Variants in KCNJ8 observed in about 807,000 individuals in gnomAD.
KCNJ8 encodes potassium inwardly rectifying channel subfamily J member 8, also known as ATP-sensitive inward rectifier potassium channel 8.
A neutral mutation model predicts 28.2 loss-of-function variants in KCNJ8; 13 were observed. That is an observed-to-expected ratio of 0.46 (90% CI 0.30 to 0.73). The LOEUF (loss-of-function observed/expected upper bound fraction) is 0.73. KCNJ8 is among the 30% of genes least tolerant of loss of function. KCNJ8 has a pLI of 0.07. For missense variants in KCNJ8, 284 were observed against 542.6 expected, an observed-to-expected ratio of 0.52 and a Z score of 4.73; for synonymous variants, 188 against 195.9, an observed-to-expected ratio of 0.96 and a Z score of 0.34.
Position 21,773,955 on chromosome 12 carries a change from C to T in KCNJ8, c.-70-269G>A, listed in dbSNP as rs186198309. Among the ~76,000 whole-genome samples the T allele has an allele frequency of 6.6e-6, 1 of 152,302 alleles. No homozygotes were observed. Among genetic ancestry groups the T allele is most frequent in the East Asian group, 1.9e-4 (1 of 5,178 alleles). On this transcript the variant is annotated intron_variant, in intron 1 of 2. Coordinates refer to ENST00000240662, the MANE Select transcript of KCNJ8 (RefSeq NM_004982.4). This position sits in a 1 kb window ranked among gnomAD's most constrained non-coding sequence, Gnocchi z 4.6. ...TTAGTTAAACAAAACCAGGAGCCTT[C>T]CGGTAAACAGCAGGCTCAAAGATAA...
intron 2 of KCNJ8, among the ~76,000 whole-genome samples, chr12:21,767,013 G>A (rs1186097376): frequency 6.6e-6 from 1 of 152,126 alleles, no homozygotes; most frequent in Non-Finnish European, 1.5e-5. Flanking sequence ...AGTTTACTTT[G>A]TAAAACTTTC....
In KCNJ8 at chr12:21,765,888, T is replaced by C; in HGVS notation, c.1110A>G (p.Gln370=). 6.2e-7 allele frequency: 1 copy of C among 1,614,200 alleles called. No individual in the cohort carries two copies. Among genetic ancestry groups the C allele is most frequent in the Non-Finnish European group, 8.5e-7 (1 of 1,180,052 alleles). The change falls in exon 3 of 3, where the codon CAA becomes CAG. Residue 370 remains glutamine, a synonymous_variant. Coordinates refer to ENST00000240662, the MANE Select transcript of KCNJ8 (RefSeq NM_004982.4). ...EKPSILIQTL[Q]KSELSHQNSL... is the part of the protein sequence containing the mutation. ...AATTTTGATGAGACAGTTCACTCTT[T>C]TGGAGGGTCTGAATAAGGATGGAAG...
chr12:21,769,886 A>C (rs1940717861), intron 2 of KCNJ8, among the ~76,000 whole-genome samples: 1 of 152,224 alleles, frequency 6.6e-6, no homozygotes, highest in African/African-American at 2.4e-5. Context: ...ACAAGCAACC[A>C]AAGTGGTTTC....
In KCNJ8 at chr12:21,765,757, G is replaced by A; in HGVS notation, c.1241C>T (p.Thr414Ile). 1 of 1,614,126 alleles carries A rather than the reference G, an allele frequency of 6.2e-7. No individual in the cohort carries two copies. Reference sequence around the variant, plus strand: ...CGATGTGTTTTGATTTCCTTCTGGAGTCATAAATTGCACCTTTGGTACCAT... The same window carrying A: ...CGATGTGTTTTGATTTCCTTCTGGAATCATAAATTGCACCTTTGGTACCAT... Reference protein sequence around the residue: ...SLMVPKVQFMTPEGNQNTSES With the variant: ...SLMVPKVQFMIPEGNQNTSES Residue 414 changes from threonine (T) to isoleucine (I), a missense_variant, in exon 3 of 3, where the codon ACT becomes ATT. Physicochemically the swap from Thr to Ile is moderately conservative, Grantham distance 89. Coordinates refer to ENST00000240662, the MANE Select transcript of KCNJ8 (RefSeq NM_004982.4).
chr12:21,772,589 C>T (rs1391053319), intron 2 of KCNJ8, among the ~76,000 whole-genome samples: 1 of 152,164 alleles, frequency 6.6e-6, no homozygotes, highest in Non-Finnish European at 1.5e-5. Flanking sequence ...CTATATAACC[C>T]CTTCCATAAA....
chr12:21,766,209 G>A lies in KCNJ8; in HGVS notation c.789C>T (p.Ala263=), dbSNP rs1032999622. The A allele has an allele frequency of 2.5e-6, 4 of 1,613,978 alleles. No individual in the cohort carries two copies. The highest frequency in any genetic ancestry group is 3.4e-6 in the Non-Finnish European group (4 of 1,179,982). Residue 263 remains alanine, a synonymous_variant, in exon 3 of 3, where the codon GCC becomes GCT. Transcript: ENST00000240662. The surrounding 1 kb of genome is among the most constrained non-coding windows in gnomAD (Gnocchi z 6.5). ...PIESNNIFLV[A]PLIICHVIDK... ...CAATCACGTGGCAGATGATCAAAGG[G>A]GCCACCAGAAAAATGTTATTGCTCT...
At position 21,766,311 on chromosome 12, in the gene KCNJ8, C is replaced by T. The variant is rs1278505052; in HGVS notation, c.687G>A (p.Val229=). 1.1e-5 allele frequency: 17 copies of T among 1,614,050 alleles called. No individual in the cohort carries two copies. The Admixed American group carries it at 2.7e-4, about 25-fold the overall frequency. Residue 229 remains valine (V), a synonymous_variant, in exon 3 of 3, where the codon GTG becomes GTA. Coordinates refer to ENST00000240662, the MANE Select transcript of KCNJ8 (RefSeq NM_004982.4). The surrounding 1 kb of genome is among the most constrained non-coding windows in gnomAD (Gnocchi z 6.5). ...MIISASVRIQ[V]VKKTTTPEGE... Reference sequence around the variant, plus strand: ...CTTCAGGTGTAGTTGTTTTCTTGACCACCTGGATGCGCACAGAGGCACTAA... The same window carrying T: ...CTTCAGGTGTAGTTGTTTTCTTGACTACCTGGATGCGCACAGAGGCACTAA...
Position 21,766,828 on chromosome 12 carries a change from C to G in KCNJ8, c.375-205G>C, listed in dbSNP as rs886538546. ...CTTGCATGCATCTACCTCCAGACTTCTGGAGATTAACATTCTATTAATTAA... is the reference window on the plus strand; with the variant it reads ...CTTGCATGCATCTACCTCCAGACTTGTGGAGATTAACATTCTATTAATTAA... On this transcript the variant is annotated intron_variant, in intron 2 of 2. Coordinates refer to ENST00000240662, the MANE Select transcript of KCNJ8 (RefSeq NM_004982.4). This position sits in a 1 kb window ranked among gnomAD's most constrained non-coding sequence, Gnocchi z 6.5. The G allele has an allele frequency of 5.0e-6, 3 of 598,890 alleles. No individual in the cohort carries two copies. Among genetic ancestry groups the G allele is most frequent in the Non-Finnish European group, 8.9e-6 (3 of 337,652 alleles). The allele number at this position is 598,890 out of a possible 1,614,324, so 37.1% of individuals were successfully genotyped here.
intron 2 of KCNJ8, among the ~76,000 whole-genome samples, chr12:21,768,595 C>T (rs550481441): frequency 2.6e-5 from 4 of 152,154 alleles, no homozygotes; most frequent in African/African-American, 4.8e-5. Context: ...TCAAAAGCCA[C>T]GATAGGCCAA....
chr12:21,769,677 A>C (rs1940712638), intron 2 of KCNJ8, among the ~76,000 whole-genome samples: 1 of 152,212 alleles, frequency 6.6e-6, no homozygotes, highest in Non-Finnish European at 1.5e-5. Context: ...CAGAATATTA[A>C]CATTAACAGG....
In KCNJ8 at chr12:21,766,661, C is replaced by G. The variant is rs1940630263; in HGVS notation, c.375-38G>C. The G allele has an allele frequency of 6.7e-7, 1 of 1,500,408 alleles. No homozygotes were observed. Among genetic ancestry groups the G allele is most frequent in the African/African-American group, 1.4e-5 (1 of 73,048 alleles). 92.9% of individuals were successfully genotyped at this position (1,500,408 alleles called of 1,614,324 possible). On this transcript the variant is annotated intron_variant, in intron 2 of 2. Coordinates refer to ENST00000240662, the MANE Select transcript of KCNJ8 (RefSeq NM_004982.4). The surrounding 1 kb of genome is among the most constrained non-coding windows in gnomAD (Gnocchi z 6.5). Reference sequence around the variant, plus strand: ...ATATCAGAAAAGAACACCATCAGGTCACATTTTGAATAATGAAATATGCCA... The same window carrying G: ...ATATCAGAAAAGAACACCATCAGGTGACATTTTGAATAATGAAATATGCCA...
At position 21,774,615 on chromosome 12, in the gene KCNJ8, G is replaced by C. The variant is rs1477899731; in HGVS notation, c.-140C>G. ...CCGGCGGGCCGCGGGCAGGTCCCTCGCTCTCCCATGCTGGCGCGCGGGACC... is the reference window on the plus strand; with the variant it reads ...CCGGCGGGCCGCGGGCAGGTCCCTCCCTCTCCCATGCTGGCGCGCGGGACC... On this transcript the variant is annotated 5_prime_UTR_variant, in exon 1 of 3. Transcript: ENST00000240662. The C allele has an allele frequency of 6.6e-6, 1 of 152,280 alleles. No individual in the cohort carries two copies. The highest frequency in any genetic ancestry group is 1.5e-5 in the Non-Finnish European group (1 of 68,090). 9.4% of individuals were successfully genotyped at this position (152,280 alleles called of 1,614,324 possible). A position where few individuals can be genotyped will look rare whatever the true frequency, so the allele number is the denominator to read the frequency against.
In KCNJ8 at chr12:21,773,564, G is replaced by T; in HGVS notation, c.53C>A (p.Ala18Asp). 1 of 1,614,124 alleles carries T rather than the reference G, an allele frequency of 6.2e-7. No individual in the cohort carries two copies. Reference protein sequence around the residue: ...IPEEYVLARIAAENLRKPRIR... With the variant: ...IPEEYVLARIDAENLRKPRIR... ...GCGCGGCTTGCGCAGGTTCTCTGCGGCGATGCGCGCCAGCACATACTCCTC... is the reference window on the plus strand; with the variant it reads ...GCGCGGCTTGCGCAGGTTCTCTGCGTCGATGCGCGCCAGCACATACTCCTC... Residue 18 changes from alanine to aspartate, a missense_variant, in exon 2 of 3, where the codon GCC (alanine) becomes GAC (aspartate). Around this residue, in one of 8 missense-constraint regions of KCNJ8, gnomAD observed 54 missense variants for 77.5 expected, o/e 0.70. Coordinates refer to ENST00000240662, the MANE Select transcript of KCNJ8 (RefSeq NM_004982.4). This position sits in a 1 kb window ranked among gnomAD's most constrained non-coding sequence, Gnocchi z 4.6.
intron 1 of KCNJ8, among the ~76,000 whole-genome samples, chr12:21,774,330 C>CTTT (rs113701092): frequency 1.2e-4 from 15 of 126,958 alleles, no homozygotes; most frequent in Middle Eastern, 4.3e-3. Flanking sequence ...AAATTGAAAA[C>CTTT]TTTTTTTTTT....
rs1472005336 is a variant in KCNJ8, at chr12:21,773,940, A to G, written c.-70-254T>C. Among the ~76,000 whole-genome samples, 2 of 152,200 alleles carry G rather than the reference A, an allele frequency of 1.3e-5. No homozygotes were observed. The highest frequency in any genetic ancestry group is 1.5e-5 in the Non-Finnish European group (1 of 68,034). On this transcript the variant is annotated intron_variant, in intron 1 of 2. Transcript: ENST00000240662. This position sits in a 1 kb window ranked among gnomAD's most constrained non-coding sequence, Gnocchi z 4.6. ...CATATGGACATAGCCTTAGTTAAAC[A>G]AAACCAGGAGCCTTCCGGTAAACAG... is the stretch of plus-strand genomic sequence containing the variant.
rs1940629650 is a variant in KCNJ8 at position 21,766,650 on chromosome 12, C to T, written c.375-27G>A. On this transcript the variant is annotated intron_variant, in intron 2 of 2. Transcript: ENST00000240662. The surrounding 1 kb of genome is among the most constrained non-coding windows in gnomAD (Gnocchi z 6.5). ...TGTGAGGAATGATATCAGAAAAGAA[C>T]ACCATCAGGTCACATTTTGAATAAT... 1.3e-6 allele frequency: 2 copies of T among 1,547,278 alleles called. No individual in the cohort carries two copies. The highest frequency in any genetic ancestry group is 2.7e-5 in the African/African-American group (2 of 73,952).
At position 21,773,311 on chromosome 12, in the gene KCNJ8, A is replaced by G. The variant is rs752928813; in HGVS notation, c.306T>C (p.Tyr102=). ...CCATTCCACTTTTCTCCATGTAAGC[A>G]TAGATGTCCCCATGGGCAAAGGCCA... ...WLVAFAHGDI[Y]AYMEKSGMEK... The change falls in exon 2 of 3, where the codon TAT becomes TAC. Residue 102 remains tyrosine, a synonymous_variant. Transcript: ENST00000240662. This position sits in a 1 kb window ranked among gnomAD's most constrained non-coding sequence, Gnocchi z 4.6. The G allele has an allele frequency of 2.5e-6, 4 of 1,614,178 alleles. No individual in the cohort carries two copies. The highest frequency in any genetic ancestry group is 3.4e-6 in the Non-Finnish European group (4 of 1,180,042).
At position 21,773,514 on chromosome 12, in the gene KCNJ8, G is replaced by T; in HGVS notation, c.103C>A (p.Arg35Ser). The change falls in exon 2 of 3, where the codon CGC becomes AGC. Residue 35 changes from arginine to serine, a missense_variant. Arg to Ser is a moderately radical substitution (Grantham distance 110). Around this residue, in one of 8 missense-constraint regions of KCNJ8, gnomAD observed 54 missense variants for 77.5 expected, o/e 0.70. Transcript: ENST00000240662. This position sits in a 1 kb window ranked among gnomAD's most constrained non-coding sequence, Gnocchi z 4.6. ...CAGGCCCCGCTCTTGGCGATGAAGC[G>T]GGCTTTGGGGAGGCGGTCTCGGATG... Reference protein sequence around the residue: ...PRIRDRLPKARFIAKSGACNL... With the variant: ...PRIRDRLPKASFIAKSGACNL... The T allele has an allele frequency of 6.2e-7, 1 of 1,614,258 alleles. No individual in the cohort carries two copies. The highest frequency in any genetic ancestry group is 8.5e-7 in the Non-Finnish European group (1 of 1,180,054).
rs1275957844 is a variant in KCNJ8, at chr12:21,766,724, A to G, written c.375-101T>C. On this transcript the variant is annotated intron_variant, in intron 2 of 2. Transcript: ENST00000240662. This position sits in a 1 kb window ranked among gnomAD's most constrained non-coding sequence, Gnocchi z 6.5. Reference sequence around the variant, plus strand: ...CATTTTCTTCCACCAAAGACTATTAAATGCTTGCAGAAAGACTAGCCAACT... The same window carrying G: ...CATTTTCTTCCACCAAAGACTATTAGATGCTTGCAGAAAGACTAGCCAACT... 1.0e-6 allele frequency: 1 copy of G among 998,116 alleles called. No individual in the cohort carries two copies. Among genetic ancestry groups the G allele is most frequent in the East Asian group, 2.6e-5 (1 of 38,996 alleles). 61.8% of individuals were successfully genotyped at this position (998,116 alleles called of 1,614,324 possible).
Sources: allele counts gnomAD v4.1 joint callset (sites outside exome capture counted in the v4.1 genomes callset), GRCh38; gene constraint gnomAD v4.1.1; regional missense constraint gnomAD v4.1.1; non-coding constraint Gnocchi (gnomAD v3.1); transcripts MANE v1.5; gene names NCBI Gene and HGNC (gene_info 2026-07-23, HGNC 2026-07-21).